The following PCGF3 variants were observed in gnomAD, a reference collection of about 807,000 sequenced individuals.
PCGF3 encodes the protein polycomb group RING finger protein 3.
PCGF3 carries 7 observed loss-of-function variants against 33.1 expected under a neutral mutation model. That is an observed-to-expected ratio of 0.21 (90% CI 0.12 to 0.40). PCGF3 has a LOEUF of 0.40. Among genes scored for constraint, PCGF3 ranks in the 10% least tolerant of loss-of-function variants. The pLI, the probability that PCGF3 is intolerant of heterozygous loss-of-function variation, is 1.00. For synonymous variants in PCGF3, 153 were observed against 121.3 expected (o/e 1.26, Z -1.72); for missense variants, 211 against 313.3 (o/e 0.67, Z 2.46).
In PCGF3 at chr4:706,037, G is replaced by C. The variant is rs1411292894; in HGVS notation, c.-190+67G>C. On this transcript the variant is annotated intron_variant, in intron 1 of 10. Coordinates refer to ENST00000362003, the Ensembl canonical transcript of PCGF3. ...GCTCCTCAGGCTGCGGCCTCGGCCC[G>C]TGTCCGGCCCGGAAGGCTCCGAACC... 3.9e-5 allele frequency: 6 copies of C among 152,578 alleles called. No individual in the cohort carries two copies. In the East Asian group the frequency reaches 1.2e-3, roughly 30 times the overall value. The allele number at this position is 152,578 out of a possible 1,614,324, so 9.5% of individuals were successfully genotyped here. A position where few individuals can be genotyped will look rare whatever the true frequency, so the allele number is the denominator to read the frequency against.
intron 1 of PCGF3, among the ~76,000 whole-genome samples, chr4:719,409 C>G (rs768825393): frequency 4.6e-5 from 7 of 152,196 alleles, no homozygotes; most frequent in African/African-American, 1.4e-4. Context: ...TGAGAACCCT[C>G]GGTGCCTGGA....
At chr4:717,411 G>T (rs1742903751) in intron 1 of PCGF3, among the ~76,000 whole-genome samples, 1 of 152,018 alleles carries the variant, frequency 6.6e-6, no homozygotes, top group Non-Finnish European at 1.5e-5. Context: ...TTTCAGTCTT[G>T]CTTTGTCACT....
At chr4:730,231 G>C (rs1163837871) in intron 1 of PCGF3, among the ~76,000 whole-genome samples, 3 of 152,232 alleles carry the variant, frequency 2.0e-5, no homozygotes. Flanking sequence ...GCTGCGTCGT[G>C]GAGCCAGCCG....
intron 3 of PCGF3, chr4:732,355 CCCTCCCCTCCCTTCT>C (rs1167469400): frequency 1.3e-5 from 2 of 152,654 alleles, no homozygotes; most frequent in Non-Finnish European, 2.9e-5. Context: ...CCTTCCCTTC[CCCTCCCCTCCCTTCT>C]CCTTCCCCTC....
chr4:722,447 G>T, intron 1 of PCGF3: 1 of 269,330 alleles, frequency 3.7e-6, no homozygotes, highest in Admixed American at 5.5e-5. Context: ...GCTGGGTGGA[G>T]AGGAAGGCAT....
exon 11 of PCGF3, chr4:766,309 C>T (rs969041228): frequency 2.1e-5 from 10 of 481,136 alleles, no homozygotes; most frequent in African/African-American, 2.0e-4. Context: ...CTCTCCCCCG[C>T]CCCACCCCGT....
chr4:707,973 GTTT>G (rs1742401441), intron 1 of PCGF3, among the ~76,000 whole-genome samples: 1 of 129,288 alleles, frequency 7.7e-6, no homozygotes. Flanking sequence ...GGACAGCCCT[GTTT>G]TCCCCTGGGG....
In PCGF3 at chr4:737,524, G is replaced by T. The variant is rs182371080; in HGVS notation, c.262+3G>T. ...ATTGGTACCAGGCCTCCAAGAAGGT[G>T]AGTGTCTGACTGTCTTGCTGATCCC... is the stretch of plus-strand genomic sequence containing the variant. On this transcript the variant is annotated splice_donor_region_variant and intron_variant, in intron 6 of 10. Coordinates refer to ENST00000362003, the Ensembl canonical transcript of PCGF3. The T allele has an allele frequency of 1.3e-4, 205 of 1,593,136 alleles. 1 individual carries two copies. In the African/African-American group the frequency reaches 2.6e-3, roughly 20 times the overall value.
At chr4:741,108 G>A (rs781649427) in intron 6 of PCGF3, among the ~76,000 whole-genome samples, 3 of 152,218 alleles carry the variant, frequency 2.0e-5, no homozygotes, top group Non-Finnish European at 4.4e-5. Context: ...AACAGCCGAC[G>A]ATGGAGTCAC....
intron 1 of PCGF3, among the ~76,000 whole-genome samples, chr4:715,784 G>T (rs376707706): frequency 2.0e-5 from 1 of 49,400 alleles, no homozygotes. Context: ...ACTGGGTGTC[G>T]GTGCTGGGAC....
intron 1 of PCGF3, among the ~76,000 whole-genome samples, chr4:725,659 AGGGCTGCTGTGG>A (rs1414665593): frequency 2.8e-5 from 4 of 140,516 alleles, no homozygotes; most frequent in Admixed American, 2.1e-4. Context: ...TGGGCTGCCG[AGGGCTGCTGTGG>A]GCTCTGCGCT....
At chr4:750,054 C>T (rs533228494) in intron 8 of PCGF3, among the ~76,000 whole-genome samples, 167 of 152,348 alleles carry the variant, frequency 1.1e-3, no homozygotes, top group African/African-American at 3.9e-3. Flanking sequence ...GTCCACCTGC[C>T]TCAGTCTCCC....
chr4:764,918 C>A (rs1745278859), intron 9 of PCGF3, 66 bp from the exon 10 acceptor site: 2 of 1,060,480 alleles, frequency 1.9e-6, no homozygotes, highest in Non-Finnish European at 2.9e-6. Flanking sequence ...ATACCAGCAT[C>A]AAGGTGGCCA....
chr4:755,460 C>T (rs567914411), intron 8 of PCGF3, among the ~76,000 whole-genome samples: 17 of 152,178 alleles, frequency 1.1e-4, no homozygotes, highest in Non-Finnish European at 2.1e-4. Context: ...CCTCCCTCGC[C>T]GCCCCACGCT....
At chr4:744,478 T>G (rs2152592687) in intron 7 of PCGF3, 122 bp from the exon 8 acceptor site, 1 of 733,694 alleles carries the variant, frequency 1.4e-6, no homozygotes, top group East Asian at 2.7e-5. Flanking sequence ...CTTACTCCGC[T>G]CCGGGGGTCC....
At chr4:761,500 T>G in intron 9 of PCGF3, 84 bp downstream of exon 9, 1 of 1,456,436 alleles carries the variant, frequency 6.9e-7, no homozygotes. Context: ...CTTAGTTTTG[T>G]TTTGTTTTTA....
At chr4:707,422 TGGGACCCTGAGACTGCCCCGTCTCCCCC>T (rs1290277180) in intron 1 of PCGF3, among the ~76,000 whole-genome samples, 2 of 152,182 alleles carry the variant, frequency 1.3e-5, no homozygotes, top group South Asian at 2.1e-4. Flanking sequence ...TGAGCACTGC[TGGGACCCTGAGACTGCCCCGTCTCCCCC>T]GGGACCCTGA....
intron 3 of PCGF3, chr4:731,459 G>T (rs1052847115): frequency 1.3e-5 from 4 of 313,264 alleles, no homozygotes; most frequent in Non-Finnish European, 1.8e-5. Flanking sequence ...CCTGCAGGGA[G>T]GTCCTCAGGG....
At chr4:741,979 T>C (rs1374268519) in intron 6 of PCGF3, among the ~76,000 whole-genome samples, 2 of 152,142 alleles carry the variant, frequency 1.3e-5, no homozygotes, top group African/African-American at 2.4e-5. Flanking sequence ...GCTGCTGGGA[T>C]GTGATTATTT....
Sources: allele counts gnomAD v4.1 joint callset (sites outside exome capture counted in the v4.1 genomes callset), GRCh38; gene constraint gnomAD v4.1.1; transcripts MANE v1.5; gene names NCBI Gene and HGNC (gene_info 2026-07-23, HGNC 2026-07-21).